The following BOD1L1 variants were observed in gnomAD, a reference collection of about 807,000 sequenced individuals.
BOD1L1 encodes biorientation of chromosomes in cell division protein 1-like 1.
Under a neutral mutation model 240.7 loss-of-function variants are expected in BOD1L1, and 86 were observed. The ratio of observed to expected loss-of-function variants is 0.36; its 90% CI spans 0.30 to 0.43. BOD1L1 has a LOEUF of 0.43. Among genes scored for constraint, BOD1L1 ranks in the 20% least tolerant of loss-of-function variants. The pLI is 1.00. For missense variants in BOD1L1, 3,554 were observed against 3,643.5 expected, an observed-to-expected ratio of 0.98 and a Z score of 0.63; for synonymous variants, 1,268 against 1,272.3, an observed-to-expected ratio of 1.00 and a Z score of 0.07.
In BOD1L1 at chr4:13,614,636, G is replaced by C. The variant is rs1327865570; in HGVS notation, c.734C>G (p.Thr245Ser). 4.3e-6 allele frequency: 7 copies of C among 1,613,814 alleles called. No homozygotes were observed. The highest frequency in any genetic ancestry group is 5.1e-6 in the Non-Finnish European group (6 of 1,179,844). The change falls in exon 4 of 26, where the codon ACT (threonine) becomes AGT (serine). Residue 245 changes from threonine (T) to serine (S), a missense_variant. Physicochemically the swap from Thr to Ser is moderately conservative, Grantham distance 58. Around this residue, in one of 2 missense-constraint regions of BOD1L1, gnomAD observed 3,393 missense variants for 3,427.1 expected, o/e 0.99. Coordinates refer to ENST00000040738, the MANE Select transcript of BOD1L1 (RefSeq NM_148894.3). ...KKLPSQPTTDTSTDKERTSED... is the reference protein window; with the variant it reads ...KKLPSQPTTDSSTDKERTSED... ...TGAAGTTCTTTCTTTGTCAGTACTAGTATCAGTGGTTGGCTGAGATGGAAG... is the reference window on the plus strand; with the variant it reads ...TGAAGTTCTTTCTTTGTCAGTACTACTATCAGTGGTTGGCTGAGATGGAAG...
At chr4:13,570,989 C>T (rs1383278406) in intron 25 of BOD1L1, among the ~76,000 whole-genome samples, 3 of 152,166 alleles carry the variant, frequency 2.0e-5, no homozygotes, top group African/African-American at 7.2e-5. Context: ...TTTAAAACAA[C>T]ATGTTAATAG....
chr4:13,578,204 CT>C (rs1432096986), intron 22 of BOD1L1: 1 of 152,480 alleles, frequency 6.6e-6, no homozygotes, highest in Non-Finnish European at 1.5e-5. Flanking sequence ...CCACGCCCGG[CT>C]GGGTTAGACT....
At chr4:13,614,134 T>A in intron 4 of BOD1L1, 62 bp downstream of exon 4, 1 of 1,361,016 alleles carries the variant, frequency 7.3e-7, no homozygotes, top group Non-Finnish European at 9.7e-7. Flanking sequence ...AATTTGATAC[T>A]TCCCTGATCC....
intron 6 of BOD1L1, 61 bp from the exon 7 acceptor site, chr4:13,609,467 G>T (rs1025547246): frequency 2.6e-6 from 3 of 1,140,668 alleles, no homozygotes; most frequent in Admixed American, 3.7e-5. Flanking sequence ...CTGAAAAATT[G>T]TATTTTTTTT....
intron 9 of BOD1L1, among the ~76,000 whole-genome samples, 194 bp downstream of exon 9, chr4:13,606,923 A>G (rs576308683): frequency 6.6e-6 from 1 of 152,328 alleles, no homozygotes; most frequent in African/African-American, 2.4e-5. Context: ...TAGATAAACG[A>G]CAAATATATA....
chr4:13,578,049 T>C, intron 22 of BOD1L1: 1 of 158,954 alleles, frequency 6.3e-6, no homozygotes, highest in Non-Finnish European at 1.4e-5. Context: ...AGATTACAGG[T>C]GCCCACCACC....
intron 1 of BOD1L1, chr4:13,626,212 T>C (rs964760143): frequency 5.9e-5 from 9 of 151,302 alleles, no homozygotes; most frequent in African/African-American, 2.2e-4. Flanking sequence ...TCCCAGCTAC[T>C]TGGGAGGCTG....
At chr4:13,587,826 G>C in intron 15 of BOD1L1, 55 bp from the exon 16 acceptor site, 1 of 1,186,148 alleles carries the variant, frequency 8.4e-7, no homozygotes, top group Non-Finnish European at 1.2e-6. Flanking sequence ...CAAATAAACT[G>C]AAAGAGGAGC....
chr4:13,591,027 C>T lies in BOD1L1; in HGVS notation c.8149-581G>A, dbSNP rs145526653. On this transcript the variant is annotated intron_variant, in intron 13 of 25. Transcript: ENST00000040738. The stretch of plus-strand genomic sequence containing the variant: ...TGCCAGCTGGCTCGGTAAGCTCCAA[C>T]CCCATTTAAAGTCTTTTTAAATTTT... Among the ~76,000 whole-genome samples the T allele has an allele frequency of 8.8e-3, 1,340 of 151,906 alleles. 15 individuals carry two copies. Among genetic ancestry groups the T allele is most frequent in the African/African-American group, 0.029 (1,191 of 41,414 alleles).
chr4:13,613,668 G>T lies in BOD1L1; in HGVS notation c.1175-7C>A. On this transcript the variant is annotated splice_region_variant and splice_polypyrimidine_tract_variant and intron_variant, in intron 4 of 25. Coordinates refer to ENST00000040738, the MANE Select transcript of BOD1L1 (RefSeq NM_148894.3). This position sits in a 1 kb window ranked among gnomAD's most constrained non-coding sequence, Gnocchi z 4.0. ...GAATCTATCAAAGAGAAATCTTCAA[G>T]CGGAAAATAAAACACAGAAAAAAAA... The T allele has an allele frequency of 6.6e-7, 1 of 1,511,248 alleles. No individual in the cohort carries two copies. The highest frequency in any genetic ancestry group is 1.3e-5 in the South Asian group (1 of 74,122). 93.6% of individuals were successfully genotyped at this position (1,511,248 alleles called of 1,614,324 possible).
intron 1 of BOD1L1, among the ~76,000 whole-genome samples, chr4:13,622,443 C>G (rs1717105774): frequency 6.6e-6 from 1 of 152,200 alleles, no homozygotes; most frequent in African/African-American, 2.4e-5. Flanking sequence ...CACATGTACA[C>G]ATATATACAC....
intron 2 of BOD1L1, among the ~76,000 whole-genome samples, chr4:13,618,429 T>C (rs745695043): frequency 6.6e-6 from 1 of 152,220 alleles, no homozygotes; most frequent in African/African-American, 2.4e-5. Flanking sequence ...ATTTTGGTCA[T>C]TGTTCTCTTT....
chr4:13,612,170 T>G lies in BOD1L1; in HGVS notation c.1325-1070A>C, dbSNP rs562678331. Reference sequence around the variant, plus strand: ...TACTGCTGCTGCTTTTTTTAGTTTGTGAAATTGAAGAAAAAAAAATGGGAG... The same window carrying G: ...TACTGCTGCTGCTTTTTTTAGTTTGGGAAATTGAAGAAAAAAAAATGGGAG... On this transcript the variant is annotated intron_variant, in intron 5 of 25. Transcript: ENST00000040738. Among the ~76,000 whole-genome samples, 6 of 152,184 alleles carry G rather than the reference T, an allele frequency of 3.9e-5. No individual in the cohort carries two copies. The South Asian group carries it at 8.3e-4, about 21-fold the overall frequency.
At position 13,614,348 on chromosome 4, in the gene BOD1L1, T is replaced by C; in HGVS notation, c.1022A>G (p.Lys341Arg). Reference sequence around the variant, plus strand: ...TGAGTGATCAAATTTCTTTTCAGTCTTTTCCTTCTTTTCTTTCTTTCTTTC... The same window carrying C: ...TGAGTGATCAAATTTCTTTTCAGTCCTTTCCTTCTTTTCTTTCTTTCTTTC... The part of the protein sequence containing the change: ...KGERKKEKKE[K>R]TEKKFDHSKK... The change falls in exon 4 of 26, where the codon AAG becomes AGG. Residue 341 changes from lysine (K) to arginine (R), a missense_variant. Coordinates refer to ENST00000040738, the MANE Select transcript of BOD1L1 (RefSeq NM_148894.3). 1 of 1,551,018 alleles carries C rather than the reference T, an allele frequency of 6.4e-7. No individual in the cohort carries two copies.
At position 13,601,570 on chromosome 4, in the gene BOD1L1, CCTT is replaced by C. The variant is rs766642521; in HGVS notation, c.5327_5329del (p.Glu1776del). Reference sequence around the variant, plus strand: ...TGTACCATCATTCACAGAACCATCTCCTTCTTGGCTGGCACTTGTTCCTGGTGG... The same window carrying C: ...TGTACCATCATTCACAGAACCATCTCCTTGGCTGGCACTTGTTCCTGGTGG... On this transcript the variant is annotated inframe_deletion, in exon 10 of 26. Transcript: ENST00000040738. 7.4e-6 allele frequency: 12 copies of C among 1,613,930 alleles called. No individual in the cohort carries two copies. In the African/African-American group the frequency reaches 9.3e-5, roughly 13 times the overall value.
chr4:13,589,647 G>A (rs1714030921), intron 14 of BOD1L1, among the ~76,000 whole-genome samples: 1 of 152,126 alleles, frequency 6.6e-6, no homozygotes, highest in African/African-American at 2.4e-5. Context: ...GGGATTAAAA[G>A]GAAAGAGATT....
intron 1 of BOD1L1, among the ~76,000 whole-genome samples, chr4:13,622,529 T>G (rs1717111768): frequency 6.6e-6 from 1 of 152,202 alleles, no homozygotes; most frequent in African/African-American, 2.4e-5. Flanking sequence ...GAGTTATCCT[T>G]GAGTCCTCCC....
At chr4:13,625,533 T>G (rs1478275423) in intron 1 of BOD1L1, 1 of 152,196 alleles carries the variant, frequency 6.6e-6, no homozygotes, top group Non-Finnish European at 1.5e-5. Context: ...CCTCAGACAT[T>G]GCAGCAGTAC....
At chr4:13,605,108 T>C in intron 9 of BOD1L1, 24 bp from the exon 10 acceptor site, 1 of 1,474,166 alleles carries the variant, frequency 6.8e-7, no homozygotes, top group Non-Finnish European at 9.0e-7. Flanking sequence ...AAGGTTAAAA[T>C]ATGAGAAATA....
Sources: gnomAD v4.1 joint callset for allele counts (sites outside exome capture counted in the v4.1 genomes callset) on GRCh38, gnomAD v4.1.1 for gene constraint, gnomAD v4.1.1 regional missense constraint, Gnocchi (gnomAD v3.1) non-coding constraint, MANE v1.5 for transcripts, NCBI Gene and HGNC (gene_info 2026-07-23, HGNC 2026-07-21) for gene names.